The following MYL2 variants were observed in gnomAD, a reference collection of about 807,000 sequenced individuals.
MYL2 encodes the protein myosin light chain 2.
A neutral mutation model predicts 23.0 loss-of-function variants in MYL2; 19 were observed. The ratio of observed to expected loss-of-function variants is 0.83; its 90% confidence interval spans 0.58 to 1.21. The LOEUF (loss-of-function observed/expected upper bound fraction) is 1.21. Ranked by LOEUF, MYL2 falls within the 50% of genes most tolerant of loss-of-function variation. MYL2 has a pLI of 0.00. For missense variants in MYL2, 180 were observed against 215.1 expected, an observed-to-expected ratio of 0.84 and a Z score of 1.02; for synonymous variants, 78 against 76.2, an observed-to-expected ratio of 1.02 and a Z score of -0.13.
rs2071699885 is a variant in MYL2, at chr12:110,918,406, A to G, written c.93+698T>C. ...AAAAAAATTGTGACTATTAATACCCAGCGTTGATGGAAATGTGGGGAAAGG... is the reference window on the plus strand; with the variant it reads ...AAAAAAATTGTGACTATTAATACCCGGCGTTGATGGAAATGTGGGGAAAGG... On this transcript the variant is annotated intron_variant, in intron 2 of 6. Transcript: ENST00000228841. The surrounding 1 kb of genome is among the most constrained non-coding windows in gnomAD (Gnocchi z 4.4). 1.3e-5 allele frequency among the ~76,000 whole-genome samples: 2 copies of G among 152,156 alleles called. No homozygotes were observed. The highest frequency in any genetic ancestry group is 1.9e-4 in the East Asian group (1 of 5,192).
rs1454705834 is a variant in MYL2 at position 110,914,264 on chromosome 12, TTTC to T, written c.193_195del (p.Glu65del). 1.5e-5 allele frequency: 24 copies of T among 1,613,848 alleles called. No individual in the cohort carries two copies. The highest frequency in any genetic ancestry group is 2.0e-5 in the Non-Finnish European group (24 of 1,179,972). ...GGAGCCTCCTTGATCATTTCATCAATTTCTTCATTTTTCACGTTCACTCGCCCT... is the reference window on the plus strand; with the variant it reads ...GGAGCCTCCTTGATCATTTCATCAATTTCATTTTTCACGTTCACTCGCCCT... On this transcript the variant is annotated inframe_deletion, in exon 4 of 7. Transcript: ENST00000228841.
Position 110,912,679 on chromosome 12 carries a change from G to A in MYL2, c.402+417C>T, listed in dbSNP as rs1258660533. 5.3e-5 allele frequency among the ~76,000 whole-genome samples: 8 copies of A among 152,098 alleles called. 1 individual carries two copies. The highest frequency in any genetic ancestry group is 4.6e-4 in the Admixed American group (7 of 15,266). On this transcript the variant is annotated intron_variant, in intron 6 of 6. Transcript: ENST00000228841. ...GGTTCAAGCGATTCTCGTGCCATGC[G>A]TCAGCCTCCTGAGTGGCTGGGAATA...
chr12:110,920,051 C>A (rs1282356012), intron 1 of MYL2, among the ~76,000 whole-genome samples: 1 of 152,218 alleles, frequency 6.6e-6, no homozygotes, highest in African/African-American at 2.4e-5. Flanking sequence ...TCTAACCACT[C>A]TCCCTCCTGT....
At position 110,911,084 on chromosome 12, in the gene MYL2, T is replaced by G; in HGVS notation, c.494A>C (p.Lys165Thr). ...LVHIITHGEE[K>T]D is the part of the protein sequence containing the mutation. The stretch of plus-strand genomic sequence containing the variant: ...GCAGCAGCGAGCCCCCTCCTAGTCC[T>G]TCTCTTCTCCGTGGGTGATGATGTG... The change falls in exon 7 of 7, where the codon AAG becomes ACG. Residue 165 changes from lysine (K) to threonine (T), a missense_variant. Physicochemically the swap from Lys to Thr is moderately conservative, Grantham distance 78 (BLOSUM62 -1). Transcript: ENST00000228841. 2 of 1,613,970 alleles carry G rather than the reference T, an allele frequency of 1.2e-6. No homozygotes were observed. The highest frequency in any genetic ancestry group is 1.7e-6 in the Non-Finnish European group (2 of 1,179,940).
intron 1 of MYL2, 133 bp from the exon 2 acceptor site, chr12:110,919,326 C>A: frequency 1.4e-6 from 1 of 694,054 alleles, no homozygotes; most frequent in South Asian, 1.8e-5. Flanking sequence ...GTACAGCATC[C>A]ACACTCAGGT....
chr12:110,913,794 C>G (rs781180551), intron 4 of MYL2, among the ~76,000 whole-genome samples: 2 of 152,096 alleles, frequency 1.3e-5, no homozygotes, highest in South Asian at 4.1e-4. Flanking sequence ...ACCTTGTTAC[C>G]AAGGCCGGAG....
At chr12:110,917,246 G>T (rs1317664139) in intron 2 of MYL2, among the ~76,000 whole-genome samples, 1 of 152,108 alleles carries the variant, frequency 6.6e-6, no homozygotes, top group Non-Finnish European at 1.5e-5. Context: ...TATAGATAGG[G>T]CAGGCTAGGG....
intron 2 of MYL2, among the ~76,000 whole-genome samples, chr12:110,916,297 C>T (rs2071687448): frequency 6.6e-6 from 1 of 152,222 alleles, no homozygotes; most frequent in African/African-American, 2.4e-5. Flanking sequence ...GATCATGCCA[C>T]TGCATTCCAA....
chr12:110,919,545 A>G (rs140325487), intron 1 of MYL2, among the ~76,000 whole-genome samples: 80 of 152,326 alleles, frequency 5.3e-4, no homozygotes, highest in African/African-American at 1.8e-3. Context: ...GCATTTCACA[A>G]AAAGCTCAGT....
rs1316367970 is a variant in MYL2, at chr12:110,918,974, C to T, written c.93+130G>A. The T allele has an allele frequency of 2.4e-5, 19 of 797,890 alleles. No individual in the cohort carries two copies. The highest frequency in any genetic ancestry group is 1.1e-4 in the South Asian group (7 of 64,454). The allele number at this position is 797,890 out of a possible 1,614,324, so 49.4% of individuals were successfully genotyped here. Reference sequence around the variant, plus strand: ...TAAAAATTCACACATCCGTTCAGGCCGAATTTGGGATTGTTTGGAGGATAG... The same window carrying T: ...TAAAAATTCACACATCCGTTCAGGCTGAATTTGGGATTGTTTGGAGGATAG... On this transcript the variant is annotated intron_variant, in intron 2 of 6. Coordinates refer to ENST00000228841, the MANE Select transcript of MYL2 (RefSeq NM_000432.4). This position sits in a 1 kb window ranked among gnomAD's most constrained non-coding sequence, Gnocchi z 4.4.
intron 2 of MYL2, among the ~76,000 whole-genome samples, chr12:110,916,430 T>G (rs552345210): frequency 3.9e-5 from 6 of 152,286 alleles, no homozygotes; most frequent in African/African-American, 1.4e-4. Context: ...TACATGTCCA[T>G]CAACTGATGA....
At position 110,914,485 on chromosome 12, in the gene MYL2, C is replaced by T. The variant is rs545170562; in HGVS notation, c.170-195G>A. On this transcript the variant is annotated intron_variant, in intron 3 of 6. Transcript: ENST00000228841. ...TTTATAATAACCAAATGACTGGAAG[C>T]GACCCTAACATCTGATGTGGGAAGG... Among the ~76,000 whole-genome samples the T allele has an allele frequency of 3.9e-5, 6 of 152,206 alleles. 1 individual carries two copies. The highest frequency in any genetic ancestry group is 4.2e-4 in the South Asian group (2 of 4,818).
intron 3 of MYL2, 65 bp from the exon 4 acceptor site, chr12:110,914,355 A>G: frequency 8.8e-7 from 1 of 1,132,302 alleles, no homozygotes; most frequent in South Asian, 1.2e-5. Context: ...TGACACTGCC[A>G]TTGGCTCCTG....
At chr12:110,921,385 G>C (rs1036708895), upstream of MYL2, among the ~76,000 whole-genome samples, 1 of 152,066 alleles carries the variant, frequency 6.6e-6, no homozygotes, top group Non-Finnish European at 1.5e-5. Context: ...ACACAGCCAC[G>C]CACCTCCTGC....
intron 6 of MYL2, 41 bp downstream of exon 6, chr12:110,913,055 C>CA: frequency 6.2e-7 from 1 of 1,612,790 alleles, no homozygotes; most frequent in Non-Finnish European, 8.5e-7. Flanking sequence ...AAGGAGAACC[C>CA]AGGAGCTGGG....
chr12:110,918,024 AGGGAG>A lies in MYL2; in HGVS notation c.93+1075_93+1079del, dbSNP rs1387805038. 7.9e-5 allele frequency among the ~76,000 whole-genome samples: 12 copies of A among 152,284 alleles called. No individual in the cohort carries two copies. The highest frequency in any genetic ancestry group is 2.9e-4 in the African/African-American group (12 of 41,568). Reference sequence around the variant, plus strand: ...GATTAATCTGGGAGGTTGATGCTGCAGGGAGCCGTGGTTGTGCCACTGCACTCTAG... The same window carrying A: ...GATTAATCTGGGAGGTTGATGCTGCACCGTGGTTGTGCCACTGCACTCTAG... On this transcript the variant is annotated intron_variant, in intron 2 of 6. Coordinates refer to ENST00000228841, the MANE Select transcript of MYL2 (RefSeq NM_000432.4). This position sits in a 1 kb window ranked among gnomAD's most constrained non-coding sequence, Gnocchi z 4.4.
At chr12:110,912,208 T>C (rs1380363969) in intron 6 of MYL2, among the ~76,000 whole-genome samples, 1 of 152,160 alleles carries the variant, frequency 6.6e-6, no homozygotes, top group Non-Finnish European at 1.5e-5. Context: ...ACTAATAAGG[T>C]TGACGGCACC....
rs191831453 is a variant in MYL2 at position 110,916,941 on chromosome 12, C to G, written c.94-1151G>C. Among the ~76,000 whole-genome samples the G allele has an allele frequency of 3.3e-5, 5 of 152,220 alleles. No homozygotes were observed. The East Asian group carries it at 9.7e-4, about 29-fold the overall frequency. ...TCGGCTCACTGTAACCTCCGCCTCC[C>G]GGGTTCAAGCGATTCTCCTGCCTCA... is the stretch of plus-strand genomic sequence containing the variant. On this transcript the variant is annotated intron_variant, in intron 2 of 6. Coordinates refer to ENST00000228841, the MANE Select transcript of MYL2 (RefSeq NM_000432.4).
At chr12:110,911,234 G>T in intron 6 of MYL2, 59 bp from the exon 7 acceptor site, 3 of 760,052 alleles carry the variant, frequency 3.9e-6, no homozygotes, top group South Asian at 1.4e-5. Context: ...GACGGAGGGT[G>T]GGGGGCTGTG....
Sources: gnomAD v4.1 joint callset for allele counts (sites outside exome capture counted in the v4.1 genomes callset) on GRCh38, gnomAD v4.1.1 for gene constraint, Gnocchi (gnomAD v3.1) non-coding constraint, MANE v1.5 for transcripts, NCBI Gene and HGNC (gene_info 2026-07-23, HGNC 2026-07-21) for gene names.